The following AFAP1L2 variants were observed in gnomAD, a reference collection of about 807,000 sequenced individuals.
AFAP1L2 encodes actin filament-associated protein 1-like 2.
In AFAP1L2, 46 loss-of-function variants were observed where a neutral mutation model predicts 99.3. The ratio of observed to expected loss-of-function variants is 0.46; its 90% CI spans 0.37 to 0.59. The LOEUF (loss-of-function observed/expected upper bound fraction) is 0.59, where lower values mean the gene tolerates loss of function less well. Among genes scored for constraint, AFAP1L2 ranks in the 20% least tolerant of loss-of-function variants. The probability of loss-of-function intolerance (pLI) is 0.00; values close to 1 mark genes in which losing one functional copy is unlikely to be tolerated. For synonymous variants in AFAP1L2, 397 were observed against 419.1 expected, an observed-to-expected ratio of 0.95 and a Z score of 0.64; for missense variants, 959 against 1,034.9, an observed-to-expected ratio of 0.93 and a Z score of 1.01.
chr10:114,288,818 C>T, the AFAP1L2 span: 2 of 960,840 alleles, frequency 2.1e-6, no homozygotes, highest in African/African-American at 1.6e-5. Context: ...AGGGTGTATT[C>T]TGCAGTGAAC....
chr10:114,321,505 G>T (rs1310291372), intron 5 of AFAP1L2, among the ~76,000 whole-genome samples: 1 of 152,056 alleles, frequency 6.6e-6, no homozygotes, highest in Non-Finnish European at 1.5e-5. Flanking sequence ...CCCCTCATTG[G>T]TTGATGGCAC....
chr10:114,318,905 G>C (rs1287029642), intron 5 of AFAP1L2, among the ~76,000 whole-genome samples: 3 of 152,078 alleles, frequency 2.0e-5, no homozygotes, highest in African/African-American at 7.2e-5. Flanking sequence ...TGTAATTCCA[G>C]TACTTTGGAA....
At chr10:114,366,963 G>C (rs2053359909) in intron 1 of AFAP1L2, among the ~76,000 whole-genome samples, 1 of 152,028 alleles carries the variant, frequency 6.6e-6, no homozygotes, top group Non-Finnish European at 1.5e-5. Flanking sequence ...TGAGACTCCT[G>C]TCTCAAAAAA....
At chr10:114,285,045 C>G in the AFAP1L2 span, 3 of 1,213,752 alleles carry the variant, frequency 2.5e-6, no homozygotes, top group South Asian at 3.2e-5. Flanking sequence ...TCATTGCACG[C>G]CCTTCCAGCT....
chr10:114,370,668 T>C (rs1319223394), intron 1 of AFAP1L2, among the ~76,000 whole-genome samples: 1 of 152,180 alleles, frequency 6.6e-6, no homozygotes. Context: ...GTAAGACTGT[T>C]TTGGGGCCTG....
chr10:114,312,024 G>T (rs1028637248), intron 7 of AFAP1L2, among the ~76,000 whole-genome samples: 2 of 152,166 alleles, frequency 1.3e-5, no homozygotes, highest in Non-Finnish European at 2.9e-5. Context: ...TGTCTGAGCT[G>T]GGGGGAAGGG....
chr10:114,388,152 G>C (rs182411520), intron 1 of AFAP1L2, among the ~76,000 whole-genome samples: 21 of 152,294 alleles, frequency 1.4e-4, no homozygotes, highest in African/African-American at 4.6e-4. Flanking sequence ...CCATTTGGAA[G>C]GGACAGTGGC....
downstream of AFAP1L2, among the ~76,000 whole-genome samples, chr10:114,290,742 G>A (rs937640360): frequency 6.6e-6 from 1 of 152,192 alleles, no homozygotes; most frequent in Non-Finnish European, 1.5e-5. Context: ...GGATGTAGAC[G>A]GAGGCAGGGA....
Position 114,369,464 on chromosome 10 carries a change from G to A in AFAP1L2, c.17-28733C>T, listed in dbSNP as rs1029487283. 5.3e-5 allele frequency among the ~76,000 whole-genome samples: 8 copies of A among 151,848 alleles called. No individual in the cohort carries two copies. In the South Asian group the frequency reaches 8.3e-4, roughly 16 times the overall value. On this transcript the variant is annotated intron_variant, in intron 1 of 18. Transcript: ENST00000304129. Reference sequence around the variant, plus strand: ...CAAAAAATTAGCCGGGCGTGGTGGCGGGCGCCTGTAGTCCCAGCTACTCGG... The same window carrying A: ...CAAAAAATTAGCCGGGCGTGGTGGCAGGCGCCTGTAGTCCCAGCTACTCGG...
chr10:114,403,845 C>T (rs1347555824), intron 1 of AFAP1L2, among the ~76,000 whole-genome samples: 2 of 152,178 alleles, frequency 1.3e-5, no homozygotes, highest in African/African-American at 4.8e-5. Context: ...GGCCCCCGAC[C>T]CTCGCATCCC....
At chr10:114,320,292 G>A (rs1039930685) in intron 5 of AFAP1L2, among the ~76,000 whole-genome samples, 2 of 152,198 alleles carry the variant, frequency 1.3e-5, no homozygotes, top group African/African-American at 4.8e-5. Flanking sequence ...GAGCGGTGTG[G>A]GGATAGGGCT....
At chr10:114,401,293 T>C (rs572294654) in intron 1 of AFAP1L2, among the ~76,000 whole-genome samples, 5 of 152,300 alleles carry the variant, frequency 3.3e-5, no homozygotes, top group African/African-American at 1.2e-4. Flanking sequence ...AATCCACAGA[T>C]AGTAGGTCAG....
intron 4 of AFAP1L2, chr10:114,326,025 C>CCAG (rs1554901642): frequency 1.6e-5 from 21 of 1,288,316 alleles, no homozygotes; most frequent in Non-Finnish European, 2.1e-5. Flanking sequence ...GAGATCTGGC[C>CCAG]CAAGGTCAGG....
intron 1 of AFAP1L2, among the ~76,000 whole-genome samples, chr10:114,371,462 A>T (rs1366436473): frequency 6.6e-6 from 1 of 152,218 alleles, no homozygotes; most frequent in African/African-American, 2.4e-5. Flanking sequence ...CCCCCGCGAA[A>T]AAAAGATGAT....
At chr10:114,299,190 C>T (rs1200974965) in intron 16 of AFAP1L2, 70 bp downstream of exon 16, 1 of 1,580,162 alleles carries the variant, frequency 6.3e-7, no homozygotes, top group Admixed American at 1.8e-5. Context: ...ACAGCCAGAT[C>T]TTCCGCCAAA....
chr10:114,325,451 C>A (rs1469065487), intron 4 of AFAP1L2, among the ~76,000 whole-genome samples: 1 of 152,188 alleles, frequency 6.6e-6, no homozygotes, highest in East Asian at 1.9e-4. Context: ...GGGTCCAGCA[C>A]CAGATCTGGT....
At chr10:114,349,427 G>GAA (rs1215742782) in intron 1 of AFAP1L2, among the ~76,000 whole-genome samples, 4 of 137,472 alleles carry the variant, frequency 2.9e-5, no homozygotes, top group Non-Finnish European at 4.8e-5. Flanking sequence ...AAACAAAAAA[G>GAA]AAAAAAGAAG....
At chr10:114,396,546 A>G (rs530018166) in intron 1 of AFAP1L2, among the ~76,000 whole-genome samples, 6 of 152,356 alleles carry the variant, frequency 3.9e-5, no homozygotes, top group Admixed American at 3.9e-4. Context: ...TCTTCCCCTC[A>G]AAATCAATCC....
Position 114,314,279 on chromosome 10 carries a change from C to G in AFAP1L2, c.613-229G>C, listed in dbSNP as rs374258582. 5.3e-5 allele frequency among the ~76,000 whole-genome samples: 8 copies of G among 152,216 alleles called. 1 individual carries two copies. The South Asian group carries it at 1.7e-3, about 31-fold the overall frequency. On this transcript the variant is annotated intron_variant, in intron 6 of 18. Coordinates refer to ENST00000304129, the MANE Select transcript of AFAP1L2 (RefSeq NM_001001936.3). ...CTCTCTCCCTCAAGCCTCCTTCTCA[C>G]TGGCCTCAGCCAAGGATGCTCCAGG...
Sources: allele counts gnomAD v4.1 joint callset (sites outside exome capture counted in the v4.1 genomes callset), GRCh38; gene constraint gnomAD v4.1.1; transcripts MANE v1.5; gene names NCBI Gene and HGNC (gene_info 2026-07-23, HGNC 2026-07-21).